Variants in HIVEP3 observed in about 807,000 individuals in gnomAD.
HIVEP3 encodes transcription factor HIVEP3.
HIVEP3 carries 49 observed loss-of-function variants against 152.8 expected under a neutral mutation model. The ratio of observed to expected loss-of-function variants is 0.32; its 90% confidence interval spans 0.26 to 0.41. The LOEUF (loss-of-function observed/expected upper bound fraction) is 0.41, where lower values mean the gene tolerates loss of function less well. Ranked by LOEUF, HIVEP3 falls within the 10% of genes least tolerant of loss-of-function variation. HIVEP3 has a pLI of 1.00. For synonymous variants in HIVEP3, 1,269 were observed against 1,289.0 expected, an observed-to-expected ratio of 0.98 and a Z score of 0.33; for missense variants, 2,790 against 3,103.3, an observed-to-expected ratio of 0.90 and a Z score of 2.40.
chr1:41,676,570 A>G (rs1645959939), intron 2 of HIVEP3, among the ~76,000 whole-genome samples: 1 of 152,168 alleles, frequency 6.6e-6, no homozygotes, highest in South Asian at 2.1e-4. Context: ...AATGATTTAC[A>G]TATTTTGCCT....
At chr1:41,670,238 T>C (rs1343851742) in intron 2 of HIVEP3, among the ~76,000 whole-genome samples, 2 of 152,128 alleles carry the variant, frequency 1.3e-5, no homozygotes, top group African/African-American at 4.8e-5. Context: ...ATCCCAAGGC[T>C]CTGTGAGGGG....
Position 41,968,611 on chromosome 1 carries a change from G to A in HIVEP3, n.120-50087C>T, listed in dbSNP as rs2124502666. Among the ~76,000 whole-genome samples the A allele has an allele frequency of 1.3e-5, 2 of 152,262 alleles. 1 individual carries two copies. Among genetic ancestry groups the A allele is most frequent in the South Asian group, 4.1e-4 (2 of 4,824 alleles). On this transcript the variant is annotated intron_variant and non_coding_transcript_variant, in intron 1 of 3. Transcript: ENST00000489103. ...ACCCACAGCCAATATCATACTGAAT[G>A]GGCAAAAGCTGGAAGCATTCCCCTT... is the stretch of plus-strand genomic sequence containing the variant.
chr1:41,897,702 G>A (rs1444805389), intron 1 of HIVEP3, among the ~76,000 whole-genome samples: 4 of 152,218 alleles, frequency 2.6e-5, no homozygotes, highest in South Asian at 2.1e-4. Context: ...AACTGGATTC[G>A]TGCTACAGTT....
At chr1:41,973,727 A>C (rs1645243532) in intron 1 of HIVEP3, among the ~76,000 whole-genome samples, 2 of 152,214 alleles carry the variant, frequency 1.3e-5, no homozygotes, top group African/African-American at 4.8e-5. Flanking sequence ...CTGGGGACCC[A>C]ATGGAAGAAT....
intron 7 of HIVEP3, among the ~76,000 whole-genome samples, chr1:41,516,731 G>C (rs1189524272): frequency 6.6e-6 from 1 of 152,196 alleles, no homozygotes; most frequent in Non-Finnish European, 1.5e-5. Flanking sequence ...CGCGGGCCAA[G>C]CGCCGTGGCC....
chr1:41,937,470 A>G (rs1645025451), intron 1 of HIVEP3, among the ~76,000 whole-genome samples: 1 of 152,204 alleles, frequency 6.6e-6, no homozygotes, highest in Non-Finnish European at 1.5e-5. Context: ...GACCTGCACT[A>G]TCCAAAATGG....
chr1:41,557,586 G>T (rs549385260), intron 5 of HIVEP3, among the ~76,000 whole-genome samples: 1 of 152,142 alleles, frequency 6.6e-6, no homozygotes, highest in Non-Finnish European at 1.5e-5. Context: ...AGTCACCTTT[G>T]GGGGGATGGC....
chr1:41,711,135 C>T (rs189268164), intron 1 of HIVEP3, among the ~76,000 whole-genome samples: 19 of 152,350 alleles, frequency 1.2e-4, no homozygotes, highest in East Asian at 5.8e-4. Context: ...CTTCCCTTTG[C>T]GCACTATTGG....
chr1:41,511,008 C>T lies in HIVEP3; in HGVS notation c.6664G>A (p.Val2222Ile), dbSNP rs144030867. The T allele has an allele frequency of 6.2e-7, 1 of 1,613,540 alleles. No homozygotes were observed. The highest frequency in any genetic ancestry group is 1.3e-5 in the African/African-American group (1 of 75,046). ...CTGCCACCCCCGGAGAAGCCACTGA[C>T]CCAGGCTGCGGTGGGCCCTGGCAGC... is the stretch of plus-strand genomic sequence containing the variant. ...TLLPGPTAAWVSGFSGGGSDL... is the reference protein window; with the variant it reads ...TLLPGPTAAWISGFSGGGSDL... The change falls in exon 9 of 9, where the codon GTC becomes ATC. Residue 2222 changes from valine to isoleucine, a missense_variant. Physicochemically the swap from Val to Ile is conservative, Grantham distance 29. This residue lies in a region of HIVEP3 where 816 missense variants were observed against 806.5 expected (regional missense o/e 1.01). Coordinates refer to ENST00000372583, the MANE Select transcript of HIVEP3 (RefSeq NM_024503.5). This position sits in a 1 kb window ranked among gnomAD's most constrained non-coding sequence, Gnocchi z 4.9.
At chr1:41,866,508 G>A (rs1257676191) in intron 1 of HIVEP3, among the ~76,000 whole-genome samples, 1 of 152,064 alleles carries the variant, frequency 6.6e-6, no homozygotes, top group Non-Finnish European at 1.5e-5. Flanking sequence ...GATTCACAGT[G>A]GACCTGGCTG....
intron 3 of HIVEP3, among the ~76,000 whole-genome samples, chr1:41,600,833 AT>A (rs1166571558): frequency 6.6e-6 from 1 of 152,080 alleles, no homozygotes; most frequent in African/African-American, 2.4e-5. Context: ...GTTTTCTCCT[AT>A]GTTTTCTTCT....
intron 2 of HIVEP3, among the ~76,000 whole-genome samples, chr1:41,693,820 T>C (rs1646232632): frequency 1.3e-5 from 2 of 152,152 alleles, no homozygotes; most frequent in Admixed American, 1.3e-4. Flanking sequence ...GGAACTGAGG[T>C]AGGGAGCCAG....
rs746304646 is a variant in HIVEP3, at chr1:41,581,431, C to T, written c.3367G>A (p.Val1123Met). Reference protein sequence around the residue: ...PTVPYTEALQVFHHPVAQTPL... With the variant: ...PTVPYTEALQMFHHPVAQTPL... ...GTCTGGGCAACGGGGTGGTGGAACACTTGCAGTGCTTCTGTGTAGGGCACA... is the reference window on the plus strand; with the variant it reads ...GTCTGGGCAACGGGGTGGTGGAACATTTGCAGTGCTTCTGTGTAGGGCACA... The change falls in exon 4 of 9, where the codon GTG becomes ATG. Residue 1123 changes from valine to methionine, a missense_variant. By Grantham distance (21) the Val-to-Met change is conservative. Around this residue, in one of 9 missense-constraint regions of HIVEP3, gnomAD observed 1,078 missense variants for 1,165.3 expected, o/e 0.93. Coordinates refer to ENST00000372583, the MANE Select transcript of HIVEP3 (RefSeq NM_024503.5). The surrounding 1 kb of genome is among the most constrained non-coding windows in gnomAD (Gnocchi z 4.5). 97 of 1,592,878 alleles carry T rather than the reference C, an allele frequency of 6.1e-5. No individual in the cohort carries two copies. Among genetic ancestry groups the T allele is most frequent in the Non-Finnish European group, 8.2e-5 (96 of 1,169,968 alleles).
intron 5 of HIVEP3, among the ~76,000 whole-genome samples, chr1:41,555,164 C>A (rs1466765181): frequency 6.6e-6 from 1 of 152,168 alleles, no homozygotes; most frequent in Non-Finnish European, 1.5e-5. Context: ...TTTGAGCTTC[C>A]CCAGTTGCTT....
At position 41,876,740 on chromosome 1, in the gene HIVEP3, C is replaced by G. The variant is rs950034702; in HGVS notation, c.-801+41673G>C. ...CAGCACTTGGAAAACTATCCCACTC[C>G]AGCCAAGCACATTTTTTGAATAGCT... On this transcript the variant is annotated intron_variant, in intron 1 of 8. Coordinates refer to ENST00000372583, the MANE Select transcript of HIVEP3 (RefSeq NM_024503.5). Among the ~76,000 whole-genome samples the G allele has an allele frequency of 2.8e-4, 42 of 152,176 alleles. 1 individual carries two copies. The highest frequency in any genetic ancestry group is 2.9e-5 in the Non-Finnish European group (2 of 68,034).
chr1:41,814,477 A>G (rs150022692), intron 1 of HIVEP3, among the ~76,000 whole-genome samples: 41 of 152,366 alleles, frequency 2.7e-4, no homozygotes, highest in East Asian at 2.5e-3. Context: ...GCCCAAAGTC[A>G]CATGGCTAAG....
chr1:41,784,064 C>T (rs1049150763), intron 1 of HIVEP3, among the ~76,000 whole-genome samples: 1 of 152,136 alleles, frequency 6.6e-6, no homozygotes, highest in African/African-American at 2.4e-5. Flanking sequence ...TCTGGGTTTG[C>T]AGAGGGGCAG....
chr1:41,718,748 T>C (rs1646632408), intron 1 of HIVEP3, among the ~76,000 whole-genome samples: 1 of 151,278 alleles, frequency 6.6e-6, no homozygotes, highest in African/African-American at 2.5e-5. Flanking sequence ...TGTCTCTGTC[T>C]CTCTCTTTCT....
chr1:41,917,451 C>G (rs1644888364), intron 1 of HIVEP3, among the ~76,000 whole-genome samples: 1 of 152,124 alleles, frequency 6.6e-6, no homozygotes, highest in African/African-American at 2.4e-5. Flanking sequence ...TGCTGCTCAC[C>G]CAGCGACCAG....
Sources: allele counts gnomAD v4.1 joint callset (sites outside exome capture counted in the v4.1 genomes callset), GRCh38; gene constraint gnomAD v4.1.1; regional missense constraint gnomAD v4.1.1; non-coding constraint Gnocchi (gnomAD v3.1); transcripts MANE v1.5; gene names NCBI Gene and HGNC (gene_info 2026-07-23, HGNC 2026-07-21).